The following PRPF6 variants were observed in gnomAD, a reference collection of about 807,000 sequenced individuals.
The protein encoded by PRPF6 is pre-mRNA-processing factor 6.
In PRPF6, 42 loss-of-function variants were observed where a neutral mutation model predicts 118.3. The ratio of observed to expected loss-of-function variants is 0.35; its 90% confidence interval spans 0.28 to 0.46. The LOEUF (loss-of-function observed/expected upper bound fraction) is 0.46. PRPF6 is among the 20% of genes least tolerant of loss of function. The pLI is 1.00. For missense variants in PRPF6, 662 were observed against 1,255.7 expected (o/e 0.53, Z 7.15); for synonymous variants, 481 against 485.1 (o/e 0.99, Z 0.11).
intron 9 of PRPF6, among the ~76,000 whole-genome samples, chr20:64,009,150 C>T (rs971548081): frequency 1.4e-4 from 21 of 151,914 alleles, no homozygotes; most frequent in African/African-American, 4.8e-4. Context: ...GGTATGGTGG[C>T]TGCACGCCTG....
In PRPF6 at chr20:64,026,493, G is replaced by C. The variant is rs558282190; in HGVS notation, c.2028+435G>C. 6.6e-6 allele frequency among the ~76,000 whole-genome samples: 1 copy of C among 150,706 alleles called. No individual in the cohort carries two copies. Among genetic ancestry groups the C allele is most frequent in the South Asian group, 2.1e-4 (1 of 4,732 alleles). ...TGCACTCCAGCCTGGGCAGCAAGAG[G>C]GAAACTGTCTCAGCAACAACAACAA... is the stretch of plus-strand genomic sequence containing the variant. On this transcript the variant is annotated intron_variant, in intron 15 of 20. Coordinates refer to ENST00000266079, the MANE Select transcript of PRPF6 (RefSeq NM_012469.4). The surrounding 1 kb of genome is among the most constrained non-coding windows in gnomAD (Gnocchi z 4.4).
At position 64,027,557 on chromosome 20, in the gene PRPF6, T is replaced by G. The variant is rs766430807; in HGVS notation, c.2206-46T>G. 2 of 1,613,726 alleles carry G rather than the reference T, an allele frequency of 1.2e-6. No homozygotes were observed. Among genetic ancestry groups the G allele is most frequent in the Middle Eastern group, 1.6e-4 (1 of 6,062 alleles). On this transcript the variant is annotated intron_variant, in intron 16 of 20. Transcript: ENST00000266079. The surrounding 1 kb of genome is among the most constrained non-coding windows in gnomAD (Gnocchi z 6.5). ...AAGCTGGGCATGGCTGTGTCCCAGTTCTTCATAGACACCACCTGAGCTGCT... is the reference window on the plus strand; with the variant it reads ...AAGCTGGGCATGGCTGTGTCCCAGTGCTTCATAGACACCACCTGAGCTGCT...
Position 64,028,208 on chromosome 20 carries a change from A to C in PRPF6, c.2340-270A>C, listed in dbSNP as rs896908530. On this transcript the variant is annotated intron_variant, in intron 17 of 20. Coordinates refer to ENST00000266079, the MANE Select transcript of PRPF6 (RefSeq NM_012469.4). The surrounding 1 kb of genome is among the most constrained non-coding windows in gnomAD (Gnocchi z 6.5). ...TGCCTTGTGCGGCCCTGGCTCTCCC[A>C]GTCTGGTCTTGTTTGTTCTGGATGC... Among the ~76,000 whole-genome samples the C allele has an allele frequency of 6.6e-6, 1 of 152,204 alleles. No homozygotes were observed. Among genetic ancestry groups the C allele is most frequent in the Admixed American group, 6.5e-5 (1 of 15,282 alleles).
chr20:64,024,421 A>G, intron 13 of PRPF6, 134 bp from the exon 14 acceptor site: 3 of 1,185,514 alleles, frequency 2.5e-6, no homozygotes, highest in Non-Finnish European at 3.7e-6. Context: ...CCATTGTAAA[A>G]TCTGGTCAAT....
chr20:63,997,090 T>G (rs2059143793), intron 6 of PRPF6, among the ~76,000 whole-genome samples: 1 of 152,290 alleles, frequency 6.6e-6, no homozygotes, highest in South Asian at 2.1e-4. Context: ...TGTTTTCATC[T>G]TCCCAAATTG....
At chr20:63,994,038 C>G (rs1327762544) in intron 4 of PRPF6, among the ~76,000 whole-genome samples, 1 of 152,128 alleles carries the variant, frequency 6.6e-6, no homozygotes, top group Non-Finnish European at 1.5e-5. Context: ...GCGTGAGCCA[C>G]CACGTCTGGC....
rs1227793379 is a variant in PRPF6, at chr20:63,983,033, G to C, written c.72-14G>C. 2.5e-6 allele frequency: 4 copies of C among 1,613,438 alleles called. No individual in the cohort carries two copies. Among genetic ancestry groups the C allele is most frequent in the African/African-American group, 1.3e-5 (1 of 74,888 alleles). ...AGTTATTCAGACACCCGGTGTCTTG[G>C]GGGTCTCCTGCAGCGCCACTGGCTT... is the stretch of plus-strand genomic sequence containing the variant. On this transcript the variant is annotated splice_polypyrimidine_tract_variant and intron_variant, in intron 1 of 20. Transcript: ENST00000266079.
chr20:64,031,201 T>A (rs2059312390), intron 19 of PRPF6, among the ~76,000 whole-genome samples: 1 of 152,210 alleles, frequency 6.6e-6, no homozygotes. Flanking sequence ...TTCACTGGGG[T>A]TGCTGCTGGA....
chr20:63,995,495 C>T lies in PRPF6; in HGVS notation c.771+13C>T, dbSNP rs769445485. 4.3e-6 allele frequency: 7 copies of T among 1,613,998 alleles called. No homozygotes were observed. In the East Asian group the frequency reaches 1.6e-4, roughly 36 times the overall value. On this transcript the variant is annotated intron_variant, in intron 6 of 20. Transcript: ENST00000266079. ...GAGGCTGAGCCAGGTGAGTTTGTCA[C>T]ACAGCATTTTCCTGTGGACAGGTTT...
chr20:64,019,204 T>C (rs562202584), intron 12 of PRPF6, among the ~76,000 whole-genome samples: 2 of 151,172 alleles, frequency 1.3e-5, no homozygotes, highest in South Asian at 4.2e-4. Flanking sequence ...GTTCAAGGGT[T>C]CAAGCAATTC....
Position 64,010,323 on chromosome 20 carries a change from G to A in PRPF6, c.1305+5G>A. The A allele has an allele frequency of 1.2e-6, 2 of 1,611,862 alleles. No individual in the cohort carries two copies. The highest frequency in any genetic ancestry group is 2.2e-5 in the South Asian group (2 of 91,078). On this transcript the variant is annotated splice_donor_5th_base_variant and intron_variant, in intron 10 of 20. Coordinates refer to ENST00000266079, the MANE Select transcript of PRPF6 (RefSeq NM_012469.4). ...TGCTGCCCCACCAGCGTGGAGGTGA[G>A]TCTGGCGGGCTCAGGGCCACCAGAG...
Position 64,026,155 on chromosome 20 carries a change from G to T in PRPF6, c.2028+97G>T, listed in dbSNP as rs1490748415. 3 of 1,562,454 alleles carry T rather than the reference G, an allele frequency of 1.9e-6. No homozygotes were observed. The African/African-American group carries it at 4.1e-5, about 21-fold the overall frequency. On this transcript the variant is annotated intron_variant, in intron 15 of 20. Coordinates refer to ENST00000266079, the MANE Select transcript of PRPF6 (RefSeq NM_012469.4). The surrounding 1 kb of genome is among the most constrained non-coding windows in gnomAD (Gnocchi z 4.4). ...GGGTGGTGATGGGAGTGAGATGACGGCAGGCAAACGAGACCACAGCACACT... is the reference window on the plus strand; with the variant it reads ...GGGTGGTGATGGGAGTGAGATGACGTCAGGCAAACGAGACCACAGCACACT...
intron 4 of PRPF6, among the ~76,000 whole-genome samples, chr20:63,994,687 CTT>C (rs1330339266): frequency 5.3e-5 from 8 of 152,158 alleles, no homozygotes; most frequent in Non-Finnish European, 1.0e-4. Context: ...GGGAGGATCA[CTT>C]GAGCCTGGGA....
At chr20:64,032,127 T>C (rs961672069) in intron 20 of PRPF6, 83 bp downstream of exon 20, 25 of 1,601,222 alleles carry the variant, frequency 1.6e-5, no homozygotes, top group South Asian at 2.2e-5. Context: ...CTCTAGGAGG[T>C]GGCCACGGCC....
chr20:64,030,053 G>T (rs2059308494), intron 19 of PRPF6, among the ~76,000 whole-genome samples: 1 of 152,260 alleles, frequency 6.6e-6, no homozygotes, highest in Non-Finnish European at 1.5e-5. Context: ...GGCAGCAGCG[G>T]GTAGCCATGG....
At chr20:64,008,340 C>T (rs926005838) in intron 9 of PRPF6, among the ~76,000 whole-genome samples, 3 of 152,086 alleles carry the variant, frequency 2.0e-5, no homozygotes, top group African/African-American at 7.2e-5. Flanking sequence ...ATGTGGGTCT[C>T]GTTTCCTGTA....
intron 1 of PRPF6, among the ~76,000 whole-genome samples, chr20:63,982,486 G>C (rs2059074911): frequency 1.3e-5 from 2 of 152,154 alleles, no homozygotes; most frequent in Non-Finnish European, 2.9e-5. Context: ...TTTTTACTCA[G>C]AGCTGTGTTT....
In PRPF6 at chr20:63,983,140, C is replaced by T. The variant is rs139754665; in HGVS notation, c.165C>T (p.Thr55=). 98 of 1,614,014 alleles carry T rather than the reference C, an allele frequency of 6.1e-5. No homozygotes were observed. The highest frequency in any genetic ancestry group is 7.3e-5 in the Non-Finnish European group (86 of 1,180,034). Residue 55 remains threonine (T), a synonymous_variant, in exon 2 of 21, where the codon ACC becomes ACT. Coordinates refer to ENST00000266079, the MANE Select transcript of PRPF6 (RefSeq NM_012469.4). ...DDRHAPPGKR[T]VGDQMKKNQA... is the part of the protein sequence containing the mutation. The stretch of plus-strand genomic sequence containing the variant: ...GCCATGCACCCCCAGGCAAGAGAAC[C>T]GTTGGGGACCAGATGAAGAAAAATC...
rs1235380509 is a variant in PRPF6, at chr20:64,029,414, G to A, written c.2469G>A (p.Arg823=). The A allele has an allele frequency of 6.2e-7, 1 of 1,614,064 alleles. No individual in the cohort carries two copies. Among genetic ancestry groups the A allele is most frequent in the African/African-American group, 1.3e-5 (1 of 74,930 alleles). ...LWSEAIFLEA[R]PQRRTKSVDA... ...CTGAGGCCATCTTCCTCGAGGCAAG[G>A]CCCCAGAGGAGGACCAAGAGCGTGG... Residue 823 remains arginine (R), a synonymous_variant, in exon 19 of 21, where the codon AGG becomes AGA. Coordinates refer to ENST00000266079, the MANE Select transcript of PRPF6 (RefSeq NM_012469.4). This position sits in a 1 kb window ranked among gnomAD's most constrained non-coding sequence, Gnocchi z 4.8.
Sources: allele counts gnomAD v4.1 joint callset (sites outside exome capture counted in the v4.1 genomes callset), GRCh38; gene constraint gnomAD v4.1.1; non-coding constraint Gnocchi (gnomAD v3.1); transcripts MANE v1.5; gene names NCBI Gene and HGNC (gene_info 2026-07-23, HGNC 2026-07-21).